Variants in PLXNA4 observed in about 807,000 individuals in gnomAD.
PLXNA4 encodes the protein plexin A4, also known as plexin-A4.
Under a neutral mutation model 191.8 loss-of-function variants are expected in PLXNA4, and 44 were observed. The observed-to-expected ratio is 0.23, with a 90% CI of 0.18 to 0.29. PLXNA4 has a LOEUF of 0.29. Ranked by LOEUF, PLXNA4 falls within the 10% of genes least tolerant of loss-of-function variation. The pLI, the probability that PLXNA4 is intolerant of heterozygous loss-of-function variation, is 1.00. For synonymous variants in PLXNA4, 1,082 were observed against 1,009.5 expected (o/e 1.07, Z -1.36); for missense variants, 1,800 against 2,488.8 (o/e 0.72, Z 5.89).
intron 2 of PLXNA4, among the ~76,000 whole-genome samples, chr7:132,626,979 A>G (rs1270609144): frequency 6.6e-6 from 1 of 152,212 alleles, no homozygotes; most frequent in East Asian, 1.9e-4. Context: ...GCTGGAATCC[A>G]ATCTATGATG....
chr7:132,276,001 T>G (rs766706757), intron 4 of PLXNA4, among the ~76,000 whole-genome samples: 10 of 152,230 alleles, frequency 6.6e-5, no homozygotes, highest in Non-Finnish European at 1.5e-4. Flanking sequence ...CTGGGCCACC[T>G]AGTGTGAACT....
Position 132,274,977 on chromosome 7 carries a change from T to G in PLXNA4, c.1503+23114A>C, listed in dbSNP as rs117684691. ...ACTGATGATATTAACTTTGATCATT[T>G]GGTTAAGATGGTTTCTGCTAGGTTT... On this transcript the variant is annotated intron_variant, in intron 4 of 31. Transcript: ENST00000321063. Among the ~76,000 whole-genome samples the G allele has an allele frequency of 9.0e-4, 137 of 152,192 alleles. No individual in the cohort carries two copies. The East Asian group carries it at 0.021, about 24-fold the overall frequency.
At chr7:132,258,826 T>C (rs1248394114) in intron 4 of PLXNA4, among the ~76,000 whole-genome samples, 1 of 152,222 alleles carries the variant, frequency 6.6e-6, no homozygotes, top group Non-Finnish European at 1.5e-5. Context: ...CTTAGTTGCC[T>C]AATCCAAACT....
chr7:132,341,339 A>C (rs1462414982), intron 3 of PLXNA4, among the ~76,000 whole-genome samples: 1 of 152,212 alleles, frequency 6.6e-6, no homozygotes, highest in Non-Finnish European at 1.5e-5. Flanking sequence ...TTTATGTACT[A>C]CTAAGAAAGA....
At chr7:132,311,187 T>TGTGTGG (rs1801721658) in intron 3 of PLXNA4, among the ~76,000 whole-genome samples, 1 of 136,724 alleles carries the variant, frequency 7.3e-6, no homozygotes, top group Non-Finnish European at 1.6e-5. Context: ...TGTGTGTGTG[T>TGTGTGG]GTGTGTGCGC....
At chr7:132,185,724 T>C (rs1348431346) in intron 15 of PLXNA4, among the ~76,000 whole-genome samples, 1 of 152,196 alleles carries the variant, frequency 6.6e-6, no homozygotes, top group East Asian at 1.9e-4. Flanking sequence ...TTAGCAAGAA[T>C]CTGGCTAAGT....
At chr7:132,394,479 C>A (rs1334557521) in intron 3 of PLXNA4, among the ~76,000 whole-genome samples, 1 of 152,152 alleles carries the variant, frequency 6.6e-6, no homozygotes, top group African/African-American at 2.4e-5. Context: ...CCTCTCTGAC[C>A]CTAGGTGTCC....
intron 3 of PLXNA4, 45 bp downstream of exon 3, chr7:132,489,247 C>G: frequency 6.5e-7 from 1 of 1,537,502 alleles, no homozygotes; most frequent in African/African-American, 1.4e-5. Flanking sequence ...CCAGGAGGGA[C>G]AGACTGTCTT....
chr7:132,589,201 G>T (rs1459019758), intron 2 of PLXNA4, among the ~76,000 whole-genome samples: 1 of 152,166 alleles, frequency 6.6e-6, no homozygotes, highest in African/African-American at 2.4e-5. Flanking sequence ...GGACAAAACG[G>T]TAAACAAATA....
chr7:132,310,623 CCTGTCTGCAGGAAGCCCCGTGGGT>C (rs943375557), intron 3 of PLXNA4, among the ~76,000 whole-genome samples: 3 of 152,202 alleles, frequency 2.0e-5, no homozygotes, highest in Admixed American at 6.5e-5. Flanking sequence ...CCATCATCAT[CCTGTCTGCAGGAAGCCCCGTGGGT>C]CTGTTGCTCA....
intron 3 of PLXNA4, among the ~76,000 whole-genome samples, chr7:132,359,981 G>T (rs1438516384): frequency 2.6e-5 from 4 of 152,142 alleles, no homozygotes; most frequent in African/African-American, 9.7e-5. Context: ...GCCTCAGTGT[G>T]GTTTCAATTG....
intron 1 of PLXNA4, among the ~76,000 whole-genome samples, chr7:132,574,814 CCT>C (rs1259674014): frequency 6.6e-6 from 1 of 152,122 alleles, no homozygotes; most frequent in Non-Finnish European, 1.5e-5. Flanking sequence ...CTGAAAAAGC[CCT>C]TTCATTCAGC....
chr7:132,387,538 C>T (rs140995944), intron 3 of PLXNA4, among the ~76,000 whole-genome samples: 1 of 152,264 alleles, frequency 6.6e-6, no homozygotes, highest in East Asian at 1.9e-4. Flanking sequence ...AACTGAATAG[C>T]CCATCTGTCG....
chr7:132,573,542 GC>G (rs1305776575), intron 1 of PLXNA4, among the ~76,000 whole-genome samples: 2 of 152,186 alleles, frequency 1.3e-5, no homozygotes, highest in Non-Finnish European at 2.9e-5. Flanking sequence ...ATTCCCAGCA[GC>G]CCTCATTGTG....
At chr7:132,130,613 G>A in intron 31 of PLXNA4, 39 bp from the exon 32 acceptor site, 1 of 1,613,670 alleles carries the variant, frequency 6.2e-7, no homozygotes, top group East Asian at 2.2e-5. Flanking sequence ...ACTCATTTGT[G>A]TGTACAGGTC....
intron 1 of PLXNA4, among the ~76,000 whole-genome samples, chr7:132,543,526 T>C (rs1585306843): frequency 6.6e-6 from 1 of 152,230 alleles, no homozygotes; most frequent in Non-Finnish European, 1.5e-5. Flanking sequence ...ACTTTCTGAA[T>C]TTTTATCAGT....
chr7:132,154,413 GTTTT>G (rs56270651), intron 25 of PLXNA4, among the ~76,000 whole-genome samples: 1 of 146,788 alleles, frequency 6.8e-6, no homozygotes. Context: ...AAAACGTTCT[GTTTT>G]TTTTTTTTTT....
intron 1 of PLXNA4, among the ~76,000 whole-genome samples, chr7:132,526,719 G>T (rs1234102769): frequency 6.6e-6 from 1 of 152,186 alleles, no homozygotes; most frequent in African/African-American, 2.4e-5. Context: ...GGCTTCTCAA[G>T]AAGGAGGTGA....
chr7:132,516,441 C>T (rs1798945853), intron 1 of PLXNA4, among the ~76,000 whole-genome samples: 1 of 152,130 alleles, frequency 6.6e-6, no homozygotes, highest in African/African-American at 2.4e-5. Context: ...TCCTATGCAG[C>T]AAAGGAAATC....
Sources: allele counts gnomAD v4.1 joint callset (sites outside exome capture counted in the v4.1 genomes callset), GRCh38; gene constraint gnomAD v4.1.1; transcripts MANE v1.5; gene names NCBI Gene and HGNC (gene_info 2026-07-23, HGNC 2026-07-21).